The following PAQR5 variants were observed in gnomAD, a reference collection of about 807,000 sequenced individuals.
PAQR5 encodes membrane progestin receptor gamma.
PAQR5 carries 20 observed loss-of-function variants against 34.5 expected under a neutral mutation model. The ratio of observed to expected loss-of-function variants is 0.58; its 90% CI spans 0.41 to 0.84. The LOEUF (loss-of-function observed/expected upper bound fraction) is 0.84. Ranked by LOEUF, PAQR5 falls within the 40% of genes least tolerant of loss-of-function variation. The pLI is 0.00. For synonymous variants in PAQR5, 131 were observed against 155.6 expected (o/e 0.84, Z 1.18); for missense variants, 378 against 412.7 (o/e 0.92, Z 0.73).
At chr15:69,396,354 A>G (rs2056432886) in intron 6 of PAQR5, among the ~76,000 whole-genome samples, 1 of 151,964 alleles carries the variant, frequency 6.6e-6, no homozygotes, top group South Asian at 2.1e-4. Flanking sequence ...AGCAGGACAC[A>G]GACCCCATCC....
At chr15:69,304,575 C>G (rs2053673815) in intron 1 of PAQR5, among the ~76,000 whole-genome samples, 1 of 152,218 alleles carries the variant, frequency 6.6e-6, no homozygotes, top group Admixed American at 6.5e-5. Context: ...AGGTTTAATT[C>G]TCACCCATGC....
At chr15:69,368,928 G>A (rs902269938) in intron 3 of PAQR5, among the ~76,000 whole-genome samples, 1 of 151,916 alleles carries the variant, frequency 6.6e-6, no homozygotes, top group Non-Finnish European at 1.5e-5. Context: ...ACCATACCCA[G>A]CTAATTTTTT....
chr15:69,343,659 C>T (rs2054696157), intron 2 of PAQR5, among the ~76,000 whole-genome samples: 1 of 152,158 alleles, frequency 6.6e-6, no homozygotes, highest in African/African-American at 2.4e-5. Context: ...ATTTTAACAG[C>T]TCTGAAATCA....
At chr15:69,305,603 G>A (rs2053698250) in intron 1 of PAQR5, among the ~76,000 whole-genome samples, 2 of 152,156 alleles carry the variant, frequency 1.3e-5, no homozygotes, top group East Asian at 1.9e-4. Flanking sequence ...GCAGCGTGGT[G>A]AGTAATCATC....
At chr15:69,390,360 A>ATTTATTTATTTT (rs1555423101) in intron 6 of PAQR5, among the ~76,000 whole-genome samples, 34 of 135,838 alleles carry the variant, frequency 2.5e-4, no homozygotes, top group East Asian at 1.3e-3. Context: ...TTATTTATTT[A>ATTTATTTATTTT]TTTTTTTGAG....
At chr15:69,322,858 T>G (rs1566998301) in intron 1 of PAQR5, among the ~76,000 whole-genome samples, 1 of 90,388 alleles carries the variant, frequency 1.1e-5, no homozygotes, top group African/African-American at 4.7e-5. Context: ...GAGGAATTAT[T>G]TCATCAAGAA....
intron 1 of PAQR5, among the ~76,000 whole-genome samples, chr15:69,308,552 C>T (rs545694924): frequency 6.6e-6 from 1 of 152,050 alleles, no homozygotes; most frequent in Non-Finnish European, 1.5e-5. Context: ...CCACACACAC[C>T]CCCTCCCTGC....
chr15:69,336,604 G>T (rs2054520202), intron 1 of PAQR5, among the ~76,000 whole-genome samples: 1 of 152,170 alleles, frequency 6.6e-6, no homozygotes, highest in South Asian at 2.1e-4. Context: ...GATGATTGTT[G>T]TCTTATTTTG....
chr15:69,383,174 G>GTT (rs2055959547), intron 4 of PAQR5, among the ~76,000 whole-genome samples: 2 of 152,194 alleles, frequency 1.3e-5, no homozygotes, highest in African/African-American at 4.8e-5. Context: ...TAGTCACCGC[G>GTT]GGGGAATGGA....
At position 69,397,744 on chromosome 15, in the gene PAQR5, A is replaced by G. The variant is rs983609501; in HGVS notation, c.609+180A>G. ...TGGGTATTTCTCGTCAGGTGGGACGAGAGACTGAGAAAATAAATAAGAAGA... is the reference window on the plus strand; with the variant it reads ...TGGGTATTTCTCGTCAGGTGGGACGGGAGACTGAGAAAATAAATAAGAAGA... On this transcript the variant is annotated intron_variant, in intron 7 of 8. Coordinates refer to ENST00000395407, the MANE Select transcript of PAQR5 (RefSeq NM_017705.4). The G allele has an allele frequency of 1.3e-5, 8 of 613,420 alleles. No individual in the cohort carries two copies. In the Admixed American group the frequency reaches 1.5e-4, roughly 11 times the overall value. The allele number at this position is 613,420 out of a possible 1,614,324, so 38.0% of individuals were successfully genotyped here. A position where few individuals can be genotyped will look rare whatever the true frequency, so the allele number is the denominator to read the frequency against.
At chr15:69,341,353 C>T (rs1437713974) in intron 2 of PAQR5, among the ~76,000 whole-genome samples, 3 of 117,716 alleles carry the variant, frequency 2.5e-5, no homozygotes, top group Non-Finnish European at 5.0e-5. Flanking sequence ...AATTCTATTC[C>T]TTTTTTTTTT....
At chr15:69,371,308 G>T (rs1157028465) in intron 3 of PAQR5, among the ~76,000 whole-genome samples, 1 of 152,090 alleles carries the variant, frequency 6.6e-6, no homozygotes, top group Non-Finnish European at 1.5e-5. Flanking sequence ...ATTGAAGCCA[G>T]TTTGAGCAAG....
At chr15:69,398,031 C>T (rs2056502436) in intron 7 of PAQR5, among the ~76,000 whole-genome samples, 2 of 152,148 alleles carry the variant, frequency 1.3e-5, no homozygotes, top group Admixed American at 6.5e-5. Context: ...CCAATACTTG[C>T]TGTCAGTCCC....
intron 2 of PAQR5, among the ~76,000 whole-genome samples, chr15:69,359,186 A>T (rs777969129): frequency 9.2e-5 from 14 of 152,270 alleles, no homozygotes; most frequent in Non-Finnish European, 2.1e-4. Flanking sequence ...GTAAGGGCAG[A>T]GCCTTCATGA....
rs71149903 is a variant in PAQR5, at chr15:69,301,859, A to ATTTTTTTTTTTTTTTT, written c.-277+2825_-277+2840dup. Among the ~76,000 whole-genome samples, 15 of 98,848 alleles carry ATTTTTTTTTTTTTTTT rather than the reference A, an allele frequency of 1.5e-4. 1 individual carries two copies. Among genetic ancestry groups the ATTTTTTTTTTTTTTTT allele is most frequent in the South Asian group, 3.4e-4 (1 of 2,968 alleles). The allele number at this position is 98,848 out of a possible 152,430, so 64.8% of individuals were successfully genotyped here. On this transcript the variant is annotated intron_variant, in intron 1 of 8. Coordinates refer to ENST00000395407, the MANE Select transcript of PAQR5 (RefSeq NM_017705.4). ...GTGAATTCATAAGAAATGGGGGGAG[A>ATTTTTTTTTTTTTTTT]TTTTTTTTTTTTTTTTTTTTTTTTT...
At chr15:69,309,317 C>T (rs992115569) in intron 1 of PAQR5, among the ~76,000 whole-genome samples, 1 of 152,158 alleles carries the variant, frequency 6.6e-6, no homozygotes, top group East Asian at 1.9e-4. Context: ...GAAGAGTGCT[C>T]CAGGCGCAGG....
chr15:69,320,418 G>T (rs1156989365), intron 1 of PAQR5, among the ~76,000 whole-genome samples: 1 of 148,522 alleles, frequency 6.7e-6, no homozygotes, highest in East Asian at 2.0e-4. Context: ...AACTTTCTGG[G>T]TGGTTTGGAT....
At chr15:69,384,035 C>T (rs1245066407) in intron 4 of PAQR5, among the ~76,000 whole-genome samples, 2 of 61,206 alleles carry the variant, frequency 3.3e-5, no homozygotes, top group South Asian at 7.8e-4. Flanking sequence ...GGCCTCTGTG[C>T]TCATGGTGGA....
chr15:69,349,413 A>G (rs1436031773), intron 2 of PAQR5, among the ~76,000 whole-genome samples: 1 of 152,110 alleles, frequency 6.6e-6, no homozygotes, highest in Non-Finnish European at 1.5e-5. Flanking sequence ...TCCAGAGAAC[A>G]TGTGTGGGGA....
Sources: allele counts gnomAD v4.1 joint callset (sites outside exome capture counted in the v4.1 genomes callset), GRCh38; gene constraint gnomAD v4.1.1; transcripts MANE v1.5; gene names NCBI Gene and HGNC (gene_info 2026-07-23, HGNC 2026-07-21).